Variants in PLCL1 observed in about 807,000 individuals in gnomAD.
The protein encoded by PLCL1 is phospholipase C like 1 (inactive).
PLCL1 carries 41 observed loss-of-function variants against 84.4 expected under a neutral mutation model. The observed-to-expected ratio is 0.49, with a 90% confidence interval of 0.38 to 0.63. PLCL1 has a LOEUF of 0.63. Among genes scored for constraint, PLCL1 ranks in the 30% least tolerant of loss-of-function variants. The probability of loss-of-function intolerance (pLI) is 0.00; values close to 1 mark genes in which losing one functional copy is unlikely to be tolerated. For missense variants in PLCL1, 1,206 were observed against 1,367.8 expected, an observed-to-expected ratio of 0.88 and a Z score of 1.87; for synonymous variants, 490 against 488.3, an observed-to-expected ratio of 1.00 and a Z score of -0.05.
intron 1 of PLCL1, among the ~76,000 whole-genome samples, chr2:198,012,769 C>T (rs773065244): frequency 9.3e-5 from 14 of 150,148 alleles, no homozygotes; most frequent in African/African-American, 1.5e-4. Context: ...TAAACCTTAA[C>T]GAGTTTGAGT....
chr2:198,120,400 C>T (rs1182825974), intron 5 of PLCL1, among the ~76,000 whole-genome samples: 1 of 151,944 alleles, frequency 6.6e-6, no homozygotes, highest in Admixed American at 6.6e-5. Flanking sequence ...GTTGTGCTAT[C>T]AAATGCTTGG....
chr2:197,981,223 A>T (rs1281481559), intron 1 of PLCL1, among the ~76,000 whole-genome samples: 1 of 152,204 alleles, frequency 6.6e-6, no homozygotes, highest in Non-Finnish European at 1.5e-5. Context: ...ACATTAAGAC[A>T]CACATGTAGC....
Position 197,905,015 on chromosome 2 carries a change from C to T in PLCL1, c.240+99676C>T, listed in dbSNP as rs10198606. ...ATTTTTCAGGGCATGCCATAGGTGACTCTGATAAAGCATTTTGTTGTCTTC... is the reference window on the plus strand; with the variant it reads ...ATTTTTCAGGGCATGCCATAGGTGATTCTGATAAAGCATTTTGTTGTCTTC... On this transcript the variant is annotated intron_variant, in intron 1 of 5. Coordinates refer to ENST00000428675, the MANE Select transcript of PLCL1 (RefSeq NM_006226.4). Among the ~76,000 whole-genome samples, 705 of 152,084 alleles carry T rather than the reference C, an allele frequency of 4.6e-3. 6 individuals carry two copies. The highest frequency in any genetic ancestry group is 0.016 in the African/African-American group (674 of 41,484).
chr2:197,849,689 A>G (rs1431678438), intron 1 of PLCL1, among the ~76,000 whole-genome samples: 3 of 152,104 alleles, frequency 2.0e-5, no homozygotes, highest in East Asian at 3.9e-4. Flanking sequence ...GAAATATTCA[A>G]TGGTGGTGGT....
At chr2:197,960,159 A>G (rs1379422278) in intron 1 of PLCL1, among the ~76,000 whole-genome samples, 1 of 152,042 alleles carries the variant, frequency 6.6e-6, no homozygotes, top group Non-Finnish European at 1.5e-5. Flanking sequence ...ACATGCTTTT[A>G]TATTCCTGCA....
intron 1 of PLCL1, among the ~76,000 whole-genome samples, chr2:197,931,425 TAAC>T (rs993698458): frequency 6.6e-6 from 1 of 152,096 alleles, no homozygotes; most frequent in African/African-American, 2.4e-5. Context: ...CTGTAGGTGG[TAAC>T]AACTTATAAG....
In PLCL1 at chr2:198,149,715, C is replaced by T. The variant is rs1035859370; in HGVS notation, c.*2753C>T. 1.3e-5 allele frequency: 2 copies of T among 152,144 alleles called. No individual in the cohort carries two copies. Among genetic ancestry groups the T allele is most frequent in the Admixed American group, 1.3e-4 (2 of 15,280 alleles). The allele number at this position is 152,144 out of a possible 1,614,324, so 9.4% of individuals were successfully genotyped here. On this transcript the variant is annotated 3_prime_UTR_variant, in exon 6 of 6. Transcript: ENST00000428675. ...ACATTTTGATTTATATCCCTTTAGA[C>T]ACTGTTTAGAGTTTATACATATATG...
At chr2:197,980,650 A>T (rs1690083906) in intron 1 of PLCL1, among the ~76,000 whole-genome samples, 1 of 152,178 alleles carries the variant, frequency 6.6e-6, no homozygotes, top group South Asian at 2.1e-4. Context: ...TGTACTGGGA[A>T]GTCTCCTGGC....
chr2:198,143,549 CAG>C (rs2105947777), intron 5 of PLCL1, among the ~76,000 whole-genome samples: 1 of 152,118 alleles, frequency 6.6e-6, no homozygotes, highest in Non-Finnish European at 1.5e-5. Flanking sequence ...GTGTTTGTGA[CAG>C]AGTAGAGAGA....
At chr2:197,893,523 G>T (rs1326485839) in intron 1 of PLCL1, among the ~76,000 whole-genome samples, 1 of 152,150 alleles carries the variant, frequency 6.6e-6, no homozygotes, top group African/African-American at 2.4e-5. Flanking sequence ...CCTCAGAACA[G>T]TCATGTGAAA....
intron 1 of PLCL1, among the ~76,000 whole-genome samples, chr2:197,951,887 ATTGTCTTCTG>A (rs1221250531): frequency 6.6e-6 from 1 of 152,146 alleles, no homozygotes; most frequent in Non-Finnish European, 1.5e-5. Flanking sequence ...TGAGTGATTT[ATTGTCTTCTG>A]ATAAATATTT....
intron 3 of PLCL1, among the ~76,000 whole-genome samples, chr2:198,096,514 G>A (rs1215651281): frequency 1.3e-5 from 2 of 151,908 alleles, no homozygotes; most frequent in African/African-American, 2.4e-5. Flanking sequence ...AAATATTTGG[G>A]TAATATCTTA....
At chr2:198,123,475 A>G (rs2105929745) in intron 5 of PLCL1, among the ~76,000 whole-genome samples, 1 of 152,110 alleles carries the variant, frequency 6.6e-6, no homozygotes, top group East Asian at 2.0e-4. Context: ...GATGGGTGTC[A>G]TTATAAGAAG....
Position 197,847,197 on chromosome 2 carries a change from G to C in PLCL1, c.240+41858G>C, listed in dbSNP as rs116775614. Among the ~76,000 whole-genome samples, 626 of 152,006 alleles carry C rather than the reference G, an allele frequency of 4.1e-3. 3 individuals are homozygous for C. The highest frequency in any genetic ancestry group is 0.015 in the African/African-American group (603 of 41,434). ...TAAACATGTTCCCATTCCTCATCCC[G>C]GGGGGGTAATCTCATTATTAAACCT... On this transcript the variant is annotated intron_variant, in intron 1 of 5. Transcript: ENST00000428675.
chr2:197,906,731 A>G lies in PLCL1; in HGVS notation c.240+101392A>G, dbSNP rs374050806. Among the ~76,000 whole-genome samples, 113 of 152,154 alleles carry G rather than the reference A, an allele frequency of 7.4e-4. 3 individuals carry two copies. The South Asian group carries it at 0.023, about 31-fold the overall frequency. ...TTTCCATTTGTTTGTGTCGTCTCTT[A>G]TTTCCTTGAACAGTGGTTTGTAGTT... On this transcript the variant is annotated intron_variant, in intron 1 of 5. Coordinates refer to ENST00000428675, the MANE Select transcript of PLCL1 (RefSeq NM_006226.4).
At chr2:197,857,805 G>A (rs927804069) in intron 1 of PLCL1, among the ~76,000 whole-genome samples, 4 of 152,056 alleles carry the variant, frequency 2.6e-5, no homozygotes, top group African/African-American at 9.7e-5. Flanking sequence ...AAAGGCAAGG[G>A]CATAAAATAG....
chr2:197,916,613 A>G (rs1688604712), intron 1 of PLCL1, among the ~76,000 whole-genome samples: 1 of 151,984 alleles, frequency 6.6e-6, no homozygotes, highest in Non-Finnish European at 1.5e-5. Context: ...CAGCTGCAGC[A>G]GTTTAGAGAC....
chr2:197,893,917 T>C (rs971144580), intron 1 of PLCL1, among the ~76,000 whole-genome samples: 1 of 151,932 alleles, frequency 6.6e-6, no homozygotes, highest in African/African-American at 2.4e-5. Context: ...GACTTTTTGC[T>C]CTGCCGTTTT....
chr2:198,056,720 T>C (rs537835208), intron 1 of PLCL1, among the ~76,000 whole-genome samples: 1 of 152,328 alleles, frequency 6.6e-6, no homozygotes, highest in African/African-American at 2.4e-5. Context: ...CTATTAGCAT[T>C]TGGCAGTGTG....
Sources: allele counts gnomAD v4.1 joint callset (sites outside exome capture counted in the v4.1 genomes callset), GRCh38; gene constraint gnomAD v4.1.1; transcripts MANE v1.5; gene names NCBI Gene and HGNC (gene_info 2026-07-23, HGNC 2026-07-21).